The following FHDC1 variants were observed in gnomAD, a reference collection of about 807,000 sequenced individuals.
FHDC1 encodes FH2 domain-containing protein 1.
Under a neutral mutation model 52.6 loss-of-function variants are expected in FHDC1, and 25 were observed. The observed-to-expected ratio is 0.48, with a 90% CI of 0.35 to 0.66. FHDC1 has a LOEUF of 0.66. Among genes scored for constraint, FHDC1 ranks in the 30% least tolerant of loss-of-function variants. The pLI, the probability that FHDC1 is intolerant of heterozygous loss-of-function variation, is 0.01. For missense variants in FHDC1, 1,459 were observed against 1,452.8 expected (o/e 1.00, Z -0.07); for synonymous variants, 616 against 581.5 (o/e 1.06, Z -0.85).
chr4:152,951,858 G>A (rs928805959), intron 2 of FHDC1, among the ~76,000 whole-genome samples: 2 of 152,136 alleles, frequency 1.3e-5, no homozygotes, highest in African/African-American at 2.4e-5. Context: ...GTATTTAACA[G>A]CCAAAAAAAG....
At chr4:152,921,162 T>C in the FHDC1 span, among the ~76,000 whole-genome samples, 1 of 152,014 alleles carries the variant, frequency 6.6e-6, no homozygotes, top group Non-Finnish European at 1.5e-5. Context: ...TATTTACTGG[T>C]TACTTTTACC....
At chr4:152,959,810 G>A (rs991502384) in intron 4 of FHDC1, among the ~76,000 whole-genome samples, 14 of 152,146 alleles carry the variant, frequency 9.2e-5, no homozygotes, top group Admixed American at 7.9e-4. Context: ...CATATAGTAT[G>A]TACATCCTAG....
At chr4:152,959,706 G>T (rs148964265) in intron 4 of FHDC1, among the ~76,000 whole-genome samples, 1 of 152,182 alleles carries the variant, frequency 6.6e-6, no homozygotes, top group African/African-American at 2.4e-5. Context: ...GAGATGTGGG[G>T]CTTTTTCATC....
At position 152,975,549 on chromosome 4, in the gene FHDC1, C is replaced by T; in HGVS notation, c.2258C>T (p.Ala753Val). 2 of 1,613,650 alleles carry T rather than the reference C, an allele frequency of 1.2e-6. No homozygotes were observed. The highest frequency in any genetic ancestry group is 1.1e-5 in the South Asian group (1 of 91,084). The part of the protein sequence containing the change: ...KAAPDEPGSA[A>V]LGSVGSSDPE... Reference sequence around the variant, plus strand: ...GCCCCCGATGAGCCTGGAAGTGCAGCTTTGGGATCTGTGGGTAGCAGCGAC... The same window carrying T: ...GCCCCCGATGAGCCTGGAAGTGCAGTTTTGGGATCTGTGGGTAGCAGCGAC... Residue 753 changes from alanine to valine, a missense_variant, in exon 12 of 12, where the codon GCT becomes GTT. Coordinates refer to ENST00000511601, the MANE Select transcript of FHDC1 (RefSeq NM_001371116.1).
At chr4:152,952,720 C>T (rs1424659683) in intron 2 of FHDC1, among the ~76,000 whole-genome samples, 2 of 152,076 alleles carry the variant, frequency 1.3e-5, no homozygotes, top group African/African-American at 4.8e-5. Flanking sequence ...TTTGGTATCC[C>T]CAGGGGTCCT....
rs1194187774 is a variant in FHDC1, at chr4:152,977,842, C to A, written c.*1119C>A. The A allele has an allele frequency of 6.6e-6, 1 of 152,204 alleles. No homozygotes were observed. The highest frequency in any genetic ancestry group is 1.5e-5 in the Non-Finnish European group (1 of 68,042). 9.4% of individuals were successfully genotyped at this position (152,204 alleles called of 1,614,324 possible). The stretch of plus-strand genomic sequence containing the variant: ...CCCACACAGGGTCCGTTGCTGGCAA[C>A]TGGACTTCCCCATAAGCCTTGGGTA... On this transcript the variant is annotated 3_prime_UTR_variant, in exon 12 of 12. Transcript: ENST00000511601.
chr4:152,924,050 T>G, the FHDC1 span, among the ~76,000 whole-genome samples: 1 of 150,360 alleles, frequency 6.7e-6, no homozygotes, highest in African/African-American at 2.4e-5. Flanking sequence ...CAAAAGAAAC[T>G]ACCATCAGAG....
At chr4:152,971,776 G>A (rs554223291) in intron 10 of FHDC1, among the ~76,000 whole-genome samples, 3 of 152,292 alleles carry the variant, frequency 2.0e-5, no homozygotes, top group East Asian at 3.9e-4. Context: ...GAAATCGAAC[G>A]GGAGGAATAC....
chr4:152,938,234 GA>G (rs1182294817), intron 1 of FHDC1, among the ~76,000 whole-genome samples: 12 of 146,486 alleles, frequency 8.2e-5, no homozygotes, highest in African/African-American at 3.0e-4. Context: ...GAGAGAAACT[GA>G]AAATGAACAT....
rs1217264051 is a variant in FHDC1 at position 152,978,185 on chromosome 4, T to G, written c.*1462T>G. ...AGTGTGCGTCTTTCCAATCCCATGT[T>G]CCTCCATTCGTGTGTCTGTTATAAA... is the stretch of plus-strand genomic sequence containing the variant. On this transcript the variant is annotated 3_prime_UTR_variant, in exon 12 of 12. Coordinates refer to ENST00000511601, the MANE Select transcript of FHDC1 (RefSeq NM_001371116.1). 1 of 152,202 alleles carries G rather than the reference T, an allele frequency of 6.6e-6. No homozygotes were observed. The highest frequency in any genetic ancestry group is 1.5e-5 in the Non-Finnish European group (1 of 68,048). 9.4% of individuals were successfully genotyped at this position (152,202 alleles called of 1,614,324 possible).
chr4:152,928,954 A>G, the FHDC1 span, among the ~76,000 whole-genome samples: 1 of 151,956 alleles, frequency 6.6e-6, no homozygotes, highest in Non-Finnish European at 1.5e-5. Flanking sequence ...TAAAGGATTT[A>G]GTTTAAGATT....
intron 3 of FHDC1, 95 bp downstream of exon 3, chr4:152,953,655 AC>A: frequency 9.7e-7 from 1 of 1,036,134 alleles, no homozygotes; most frequent in South Asian, 1.3e-5. Flanking sequence ...AATTCCTCAC[AC>A]CTTCAAATCC....
chr4:152,959,739 G>C (rs759812956), intron 4 of FHDC1, among the ~76,000 whole-genome samples: 8 of 152,128 alleles, frequency 5.3e-5, no homozygotes, highest in Non-Finnish European at 1.2e-4. Flanking sequence ...ATGTAGGTGT[G>C]TGCATGGGAG....
At position 152,949,116 on chromosome 4, in the gene FHDC1, A is replaced by G. The variant is rs1425232770; in HGVS notation, c.499-4383A>G. On this transcript the variant is annotated intron_variant, in intron 2 of 11. Coordinates refer to ENST00000511601, the MANE Select transcript of FHDC1 (RefSeq NM_001371116.1). ...TAATAATAATAATAATAATAATAAT[A>G]ATAATAATAAGAAGAAGAAGAAGAA... 1.2e-3 allele frequency among the ~76,000 whole-genome samples: 75 copies of G among 62,120 alleles called. 1 individual carries two copies. The highest frequency in any genetic ancestry group is 3.9e-3 in the African/African-American group (70 of 18,028). The allele number at this position is 62,120 out of a possible 152,430, so 40.8% of individuals were successfully genotyped here. A position where few individuals can be genotyped will look rare whatever the true frequency, so the allele number is the denominator to read the frequency against.
intron 2 of FHDC1, among the ~76,000 whole-genome samples, chr4:152,951,468 G>A (rs1232013752): frequency 6.6e-6 from 1 of 152,042 alleles, no homozygotes; most frequent in Non-Finnish European, 1.5e-5. Context: ...TGGCTGGCAG[G>A]TGATTGTGTT....
the FHDC1 span, among the ~76,000 whole-genome samples, chr4:152,927,245 A>G: frequency 6.6e-6 from 1 of 152,260 alleles, no homozygotes; most frequent in Non-Finnish European, 1.5e-5. Context: ...GCCTCAGCCA[A>G]GTATCCTATT....
chr4:152,927,308 TGTCAAAG>T, the FHDC1 span: 1 of 638,752 alleles, frequency 1.6e-6, no homozygotes, highest in Non-Finnish European at 2.8e-6. Context: ...ATAAGAAATT[TGTCAAAG>T]GTCAGGGGAA....
At chr4:152,947,938 G>A (rs1455683792) in intron 2 of FHDC1, among the ~76,000 whole-genome samples, 1 of 152,180 alleles carries the variant, frequency 6.6e-6, no homozygotes, top group East Asian at 1.9e-4. Flanking sequence ...CTCACCTTTT[G>A]TTATGATGCC....
At chr4:152,938,341 C>G (rs911461870) in intron 1 of FHDC1, among the ~76,000 whole-genome samples, 1 of 152,040 alleles carries the variant, frequency 6.6e-6, no homozygotes, top group African/African-American at 2.4e-5. Flanking sequence ...TTACTGGGAA[C>G]GCGTTGTCCT....
Sources: allele counts gnomAD v4.1 joint callset (sites outside exome capture counted in the v4.1 genomes callset), GRCh38; gene constraint gnomAD v4.1.1; transcripts MANE v1.5; gene names NCBI Gene and HGNC (gene_info 2026-07-23, HGNC 2026-07-21).